Variants in SGCD observed in about 807,000 individuals in gnomAD.
SGCD encodes the protein delta-sarcoglycan.
Under a neutral mutation model 36.6 loss-of-function variants are expected in SGCD, and 18 were observed. The ratio of observed to expected loss-of-function variants is 0.49; its 90% CI spans 0.34 to 0.73. SGCD has a LOEUF of 0.73. Among genes scored for constraint, SGCD ranks in the 30% least tolerant of loss-of-function variants. The pLI, the probability that SGCD is intolerant of heterozygous loss-of-function variation, is 0.01. For missense variants in SGCD, 387 were observed against 346.7 expected (o/e 1.12, Z -0.92); for synonymous variants, 133 against 130.6 (o/e 1.02, Z -0.12).
At chr5:156,324,496 C>A (rs1213108715), upstream of SGCD, among the ~76,000 whole-genome samples, 1 of 151,826 alleles carries the variant, frequency 6.6e-6, no homozygotes, top group Non-Finnish European at 1.5e-5. Context: ...CATAACATTT[C>A]TTAACATTAG....
At chr5:156,112,224 C>G (rs1255379646) in intron 1 of SGCD, among the ~76,000 whole-genome samples, 1 of 152,104 alleles carries the variant, frequency 6.6e-6, no homozygotes, top group Non-Finnish European at 1.5e-5. Flanking sequence ...CCAAATGGCT[C>G]GTGTAAGTTC....
chr5:156,498,809 T>C (rs1349776510), intron 3 of SGCD, among the ~76,000 whole-genome samples: 1 of 152,194 alleles, frequency 6.6e-6, no homozygotes, highest in Non-Finnish European at 1.5e-5. Context: ...CTGGATCATA[T>C]GGTAACTCCG....
At chr5:155,867,042 C>T (rs532731217), upstream of SGCD, among the ~76,000 whole-genome samples, 1 of 152,066 alleles carries the variant, frequency 6.6e-6, no homozygotes, top group South Asian at 2.1e-4. Context: ...TCCATTTGGC[C>T]GTTTCTAGAG....
At chr5:156,349,516 G>A (rs1001779286) in intron 3 of SGCD, among the ~76,000 whole-genome samples, 1 of 151,992 alleles carries the variant, frequency 6.6e-6, no homozygotes, top group Non-Finnish European at 1.5e-5. Context: ...CTAATCATTA[G>A]AGAAATGCAA....
intron 1 of SGCD, among the ~76,000 whole-genome samples, chr5:155,942,767 G>A (rs1757356738): frequency 6.6e-6 from 1 of 152,116 alleles, no homozygotes. Flanking sequence ...CCTAGACACA[G>A]ACATATGAAC....
At chr5:155,817,719 C>T in the SGCD span, among the ~76,000 whole-genome samples, 140 of 152,200 alleles carry the variant, frequency 9.2e-4, no homozygotes, top group African/African-American at 3.1e-3. Context: ...TGTCCTTCCC[C>T]TGTGAAGTCT....
At chr5:156,472,825 T>G (rs1331125221) in intron 3 of SGCD, among the ~76,000 whole-genome samples, 1 of 152,196 alleles carries the variant, frequency 6.6e-6, no homozygotes, top group East Asian at 1.9e-4. Context: ...CAAGTACAGA[T>G]AAAACTAATC....
At chr5:155,730,681 T>G in the SGCD span, among the ~76,000 whole-genome samples, 6 of 152,270 alleles carry the variant, frequency 3.9e-5, no homozygotes, top group African/African-American at 1.4e-4. Flanking sequence ...GTTTGTATAT[T>G]GGAAACAAAG....
At chr5:155,771,387 T>C in the SGCD span, among the ~76,000 whole-genome samples, 1 of 152,008 alleles carries the variant, frequency 6.6e-6, no homozygotes, top group African/African-American at 2.4e-5. Flanking sequence ...TAGCTAGCAC[T>C]GTAGGTATGC....
the SGCD span, among the ~76,000 whole-genome samples, chr5:155,818,242 TG>T: frequency 1.3e-5 from 2 of 151,920 alleles, no homozygotes; most frequent in Non-Finnish European, 2.9e-5. Flanking sequence ...TTTATTGGGG[TG>T]GGGGGCCAGC....
chr5:156,300,747 C>G (rs980537452), intron 3 of SGCD, among the ~76,000 whole-genome samples: 5 of 152,020 alleles, frequency 3.3e-5, no homozygotes, highest in African/African-American at 9.7e-5. Flanking sequence ...TGGGATCTCT[C>G]TGTCTCTTTA....
intron 3 of SGCD, among the ~76,000 whole-genome samples, chr5:156,491,057 G>GA (rs1755916328): frequency 6.6e-6 from 1 of 151,784 alleles, no homozygotes; most frequent in Admixed American, 6.6e-5. Flanking sequence ...AAAACTAGCT[G>GA]AAAAAGAAAT....
chr5:156,733,443 A>G (rs957918271), intron 7 of SGCD, among the ~76,000 whole-genome samples: 41 of 152,038 alleles, frequency 2.7e-4, no homozygotes, highest in Middle Eastern at 3.4e-3. Context: ...TGCTTGTGTG[A>G]TCAATTTTAG....
At chr5:156,188,453 G>C (rs1239999702) in intron 3 of SGCD, among the ~76,000 whole-genome samples, 5 of 152,174 alleles carry the variant, frequency 3.3e-5, no homozygotes, top group Non-Finnish European at 5.9e-5. Flanking sequence ...AGTTCTAAGA[G>C]AATAATCTCC....
At chr5:156,573,735 C>T (rs181511737) in intron 4 of SGCD, among the ~76,000 whole-genome samples, 2 of 152,066 alleles carry the variant, frequency 1.3e-5, no homozygotes, top group African/African-American at 4.8e-5. Flanking sequence ...ACTCTATCAC[C>T]CAGTCTGGAG....
At chr5:156,139,954 T>C (rs256769) in intron 3 of SGCD, among the ~76,000 whole-genome samples, 84,093 of 152,044 alleles carry the variant, frequency 0.55, 24,647 homozygotes, top group African/African-American at 0.76. Context: ...CTCTGTCATT[T>C]CACTCATCTG....
chr5:156,091,526 A>G (rs1436566299), intron 1 of SGCD, among the ~76,000 whole-genome samples: 1 of 152,144 alleles, frequency 6.6e-6, no homozygotes, highest in Non-Finnish European at 1.5e-5. Flanking sequence ...TCCACCTTCC[A>G]TGAAAGTACT....
At chr5:155,982,219 T>G (rs576855359) in intron 1 of SGCD, among the ~76,000 whole-genome samples, 2 of 152,166 alleles carry the variant, frequency 1.3e-5, no homozygotes, top group Admixed American at 6.5e-5. Flanking sequence ...GATTCCTGTT[T>G]CCATTCAGAC....
intron 7 of SGCD, among the ~76,000 whole-genome samples, chr5:156,647,849 C>T (rs1448800113): frequency 6.6e-6 from 1 of 152,074 alleles, no homozygotes; most frequent in African/African-American, 2.4e-5. Flanking sequence ...GTAATTGGTG[C>T]TGATCAGCCC....
Sources: gnomAD v4.1 joint callset for allele counts (sites outside exome capture counted in the v4.1 genomes callset) on GRCh38, gnomAD v4.1.1 for gene constraint, MANE v1.5 for transcripts, NCBI Gene and HGNC (gene_info 2026-07-23, HGNC 2026-07-21) for gene names.